Variants in AIG1 observed in about 807,000 individuals in gnomAD.
AIG1 encodes androgen induced 1.
Under a neutral mutation model 31.4 loss-of-function variants are expected in AIG1, and 23 were observed. The ratio of observed to expected loss-of-function variants is 0.73; its 90% CI spans 0.53 to 1.04. The LOEUF (loss-of-function observed/expected upper bound fraction) is 1.04. AIG1 is among the 50% of genes least tolerant of loss of function. AIG1 has a pLI of 0.00. For missense variants in AIG1, 274 were observed against 295.0 expected (o/e 0.93, Z 0.52); for synonymous variants, 100 against 110.5 (o/e 0.90, Z 0.60).
intron 3 of AIG1, among the ~76,000 whole-genome samples, chr6:143,208,764 C>T (rs147436649): frequency 5.2e-4 from 79 of 152,114 alleles, no homozygotes; most frequent in Middle Eastern, 3.4e-3. Flanking sequence ...AGATATTTTC[C>T]CCCCAGCTAT....
intron 3 of AIG1, among the ~76,000 whole-genome samples, chr6:143,195,763 G>T (rs1790172899): frequency 6.6e-6 from 1 of 152,144 alleles, no homozygotes; most frequent in Non-Finnish European, 1.5e-5. Flanking sequence ...CAACGTCCTG[G>T]GCACACGGAG....
intron 2 of AIG1, among the ~76,000 whole-genome samples, chr6:143,147,488 G>A (rs928541298): frequency 2.0e-5 from 3 of 151,922 alleles, no homozygotes; most frequent in South Asian, 2.1e-4. Context: ...ATTGATACAC[G>A]CACACATAAC....
intron 1 of AIG1, among the ~76,000 whole-genome samples, chr6:143,123,749 G>A (rs1388625903): frequency 6.6e-6 from 1 of 152,070 alleles, no homozygotes; most frequent in Non-Finnish European, 1.5e-5. Context: ...GATATGAGCA[G>A]GAAAGATGTG....
intron 4 of AIG1, among the ~76,000 whole-genome samples, chr6:143,320,538 A>G (rs1454289798): frequency 2.0e-5 from 3 of 152,244 alleles, no homozygotes; most frequent in Non-Finnish European, 4.4e-5. Context: ...AAAGGAATAA[A>G]TCCTTCCATT....
intron 3 of AIG1, among the ~76,000 whole-genome samples, chr6:143,270,866 T>A (rs921524985): frequency 1.2e-4 from 19 of 152,218 alleles, no homozygotes; most frequent in African/African-American, 1.2e-4. Flanking sequence ...TGAGTGTGTG[T>A]GTTTGCATGT....
chr6:143,103,629 T>C (rs1272752651), intron 1 of AIG1, among the ~76,000 whole-genome samples: 2 of 143,764 alleles, frequency 1.4e-5, no homozygotes, highest in South Asian at 2.3e-4. Context: ...TGCCTCAGCC[T>C]CCCGAGTAGC....
chr6:143,259,412 T>C (rs1415203188), intron 3 of AIG1, among the ~76,000 whole-genome samples: 1 of 152,230 alleles, frequency 6.6e-6, no homozygotes, highest in Non-Finnish European at 1.5e-5. Context: ...TTTCTGGTTT[T>C]CCTTTCATCT....
Position 143,136,919 on chromosome 6 carries a change from G to C in AIG1, c.226G>C (p.Glu76Gln). The change falls in exon 2 of 6, where the codon GAG (glutamate) becomes CAG (glutamine). Residue 76 changes from glutamate (E) to glutamine (Q), a missense_variant. Coordinates refer to ENST00000357847, the MANE Select transcript of AIG1 (RefSeq NM_016108.4). Reference protein sequence around the residue: ...LTRGSGNQEQERQLKKLISLR... With the variant: ...LTRGSGNQEQQRQLKKLISLR... ...TCGAGGAAGTGGGAACCAGGAGCAA[G>C]AGAGGCAGCTCAAGAAGCTCATCTC... The C allele has an allele frequency of 6.5e-7, 1 of 1,535,804 alleles. No homozygotes were observed. The highest frequency in any genetic ancestry group is 8.8e-7 in the Non-Finnish European group (1 of 1,130,464).
downstream of AIG1, among the ~76,000 whole-genome samples, chr6:143,341,502 A>T (rs1224468691): frequency 3.9e-5 from 6 of 152,328 alleles, no homozygotes; most frequent in South Asian, 6.2e-4. Context: ...ATGGGCCCTA[A>T]TCCAATCTGA....
intron 1 of AIG1, among the ~76,000 whole-genome samples, chr6:143,068,147 T>A (rs1776891485): frequency 6.6e-6 from 1 of 152,246 alleles, no homozygotes. Context: ...TCACTTCTTT[T>A]CCCATTCCTG....
intron 1 of AIG1, among the ~76,000 whole-genome samples, chr6:143,107,875 T>A (rs1469138997): frequency 6.6e-6 from 1 of 152,238 alleles, no homozygotes. Flanking sequence ...CTTGTGTTTC[T>A]TCTAACAGAG....
chr6:143,088,113 T>C (rs545150262), intron 1 of AIG1, among the ~76,000 whole-genome samples: 1 of 152,308 alleles, frequency 6.6e-6, no homozygotes, highest in Non-Finnish European at 1.5e-5. Flanking sequence ...TGGCTTTCTG[T>C]GTGCAGTAAT....
At chr6:143,169,418 T>G (rs1353559163) in intron 3 of AIG1, among the ~76,000 whole-genome samples, 1 of 152,192 alleles carries the variant, frequency 6.6e-6, no homozygotes, top group Non-Finnish European at 1.5e-5. Flanking sequence ...ATATATATTT[T>G]CTCAAACATT....
intron 1 of AIG1, among the ~76,000 whole-genome samples, chr6:143,108,277 T>C (rs1780974303): frequency 6.6e-6 from 1 of 152,084 alleles, no homozygotes; most frequent in Non-Finnish European, 1.5e-5. Context: ...TAAGAGAAAA[T>C]TTTTCTTTAA....
intron 4 of AIG1, among the ~76,000 whole-genome samples, chr6:143,332,560 A>G (rs1777163728): frequency 6.6e-6 from 1 of 152,196 alleles, no homozygotes; most frequent in South Asian, 2.1e-4. Flanking sequence ...GGAAGCTGGT[A>G]CCTGCTAGGG....
chr6:143,120,479 G>A (rs1782148487), intron 1 of AIG1, among the ~76,000 whole-genome samples: 1 of 152,188 alleles, frequency 6.6e-6, no homozygotes, highest in South Asian at 2.1e-4. Flanking sequence ...TGAAGGAGGA[G>A]CAAAGGCATG....
At chr6:143,156,052 G>A (rs1246507271) in intron 2 of AIG1, among the ~76,000 whole-genome samples, 5 of 152,184 alleles carry the variant, frequency 3.3e-5, no homozygotes, top group Non-Finnish European at 5.9e-5. Flanking sequence ...GACAGGGAGT[G>A]ACAAAGGAGC....
At position 143,200,406 on chromosome 6, in the gene AIG1, C is replaced by T. The variant is rs550053644; in HGVS notation, c.399+35223C>T. Among the ~76,000 whole-genome samples, 15 of 152,186 alleles carry T rather than the reference C, an allele frequency of 9.9e-5. No individual in the cohort carries two copies. In the South Asian group the frequency reaches 3.1e-3, roughly 32 times the overall value. On this transcript the variant is annotated intron_variant, in intron 3 of 5. Transcript: ENST00000357847. ...GGTGTAACAACAGCTGTATTCCCTG[C>T]CCACCCCCACTACTGAATTCTCAGT...
intron 4 of AIG1, among the ~76,000 whole-genome samples, chr6:143,296,926 C>G (rs1350203568): frequency 6.6e-6 from 1 of 152,188 alleles, no homozygotes; most frequent in African/African-American, 2.4e-5. Context: ...CATTAACTCT[C>G]TCAAACAAGC....
Sources: gnomAD v4.1 joint callset for allele counts (sites outside exome capture counted in the v4.1 genomes callset) on GRCh38, gnomAD v4.1.1 for gene constraint, MANE v1.5 for transcripts, NCBI Gene and HGNC (gene_info 2026-07-23, HGNC 2026-07-21) for gene names.